The following EPS8L3 variants were observed in gnomAD, a reference collection of about 807,000 sequenced individuals.
EPS8L3 encodes the protein EPS8 signaling adaptor L3.
In EPS8L3, 80 loss-of-function variants were observed where a neutral mutation model predicts 88.5. That is an observed-to-expected ratio of 0.90 (90% CI 0.75 to 1.09). EPS8L3 has a LOEUF of 1.09. Ranked by LOEUF, EPS8L3 falls within the 50% of genes least tolerant of loss-of-function variation. The probability of loss-of-function intolerance (pLI) is 0.00; values close to 1 mark genes in which losing one functional copy is unlikely to be tolerated. For synonymous variants in EPS8L3, 286 were observed against 291.0 expected (o/e 0.98, Z 0.18); for missense variants, 721 against 735.2 (o/e 0.98, Z 0.22).
chr1:109,755,580 G>A (rs1168823159), intron 12 of EPS8L3, among the ~76,000 whole-genome samples: 7 of 152,116 alleles, frequency 4.6e-5, no homozygotes, highest in Non-Finnish European at 1.0e-4. Flanking sequence ...CGAGGTGGGC[G>A]GATCCCTTGA....
chr1:109,757,300 T>G, intron 11 of EPS8L3, 135 bp from the exon 12 acceptor site: 1 of 1,199,294 alleles, frequency 8.3e-7, no homozygotes, highest in East Asian at 2.6e-5. Context: ...CCCATCTGCC[T>G]TGGGCCTGCT....
At chr1:109,760,539 T>A (rs996986240) in intron 3 of EPS8L3, among the ~76,000 whole-genome samples, 1 of 151,768 alleles carries the variant, frequency 6.6e-6, no homozygotes, top group Admixed American at 6.6e-5. Flanking sequence ...TCTCCCTGTG[T>A]TCGCACTGCC....
rs201364328 is a variant in EPS8L3, at chr1:109,759,036, A to T, written c.461+26T>A. The T allele has an allele frequency of 6.3e-7, 1 of 1,582,550 alleles. No individual in the cohort carries two copies. Among genetic ancestry groups the T allele is most frequent in the East Asian group, 2.3e-5 (1 of 43,684 alleles). On this transcript the variant is annotated intron_variant, in intron 6 of 18. Coordinates refer to ENST00000361965, the MANE Select transcript of EPS8L3 (RefSeq NM_133181.4). This position sits in a 1 kb window ranked among gnomAD's most constrained non-coding sequence, Gnocchi z 4.2. ...CCGAGGCTGAGCTGGGAGGCCCCAT[A>T]GGTGGGCTGGGCAGAGGCTGCCTAC... is the stretch of plus-strand genomic sequence containing the variant.
Position 109,759,237 on chromosome 1 carries a change from C to G in EPS8L3, c.405+1G>C. The G allele has an allele frequency of 1.9e-6, 3 of 1,613,796 alleles. No individual in the cohort carries two copies. Among genetic ancestry groups the G allele is most frequent in the Non-Finnish European group, 2.5e-6 (3 of 1,179,880 alleles). Reference sequence around the variant, plus strand: ...CTGACCAATCACCCCCGACCACTCACCCCCACTTCCTGGCACTGGAAGAGC... The same window carrying G: ...CTGACCAATCACCCCCGACCACTCAGCCCCACTTCCTGGCACTGGAAGAGC... On this transcript the variant is annotated splice_donor_variant, in intron 5 of 18. Transcript: ENST00000361965. LOFTEE classifies it high-confidence loss of function. This position sits in a 1 kb window ranked among gnomAD's most constrained non-coding sequence, Gnocchi z 4.2.
chr1:109,763,104 A>T (rs1488689067), intron 1 of EPS8L3, among the ~76,000 whole-genome samples: 2 of 152,080 alleles, frequency 1.3e-5, no homozygotes, highest in Non-Finnish European at 2.9e-5. Flanking sequence ...GTTTATTAGG[A>T]CTGTTGTGAA....
chr1:109,760,022 G>C, intron 3 of EPS8L3, 186 bp from the exon 4 acceptor site: 5 of 620,168 alleles, frequency 8.1e-6, no homozygotes, highest in South Asian at 8.0e-5. Flanking sequence ...AAGCACTGGG[G>C]CCAGGGATAG....
intron 8 of EPS8L3, 30 bp from the exon 9 acceptor site, chr1:109,758,088 C>T (rs759241759): frequency 1.1e-5 from 17 of 1,597,608 alleles, no homozygotes; most frequent in South Asian, 4.4e-5. Context: ...TGGCCTTGAA[C>T]GGGCAGTTGG....
Position 109,757,381 on chromosome 1 carries a change from C to A in EPS8L3, c.969+100G>T, listed in dbSNP as rs904550621. On this transcript the variant is annotated intron_variant, in intron 11 of 18. Transcript: ENST00000361965. ...CCCAGCTCATCTGGTTCCACCCTGG[C>A]CCCTGCTCCCCCATCCCCCTCCACC... 2.4e-6 allele frequency: 3 copies of A among 1,249,006 alleles called. No individual in the cohort carries two copies. In the South Asian group the frequency reaches 4.0e-5, roughly 17 times the overall value. 77.4% of individuals were successfully genotyped at this position (1,249,006 alleles called of 1,614,324 possible).
At chr1:109,751,960 C>T in intron 15 of EPS8L3, 35 bp downstream of exon 15, 2 of 1,571,364 alleles carry the variant, frequency 1.3e-6, no homozygotes, top group South Asian at 1.2e-5. Context: ...CCACCAACCA[C>T]CACCTCCTTT....
intron 11 of EPS8L3, 127 bp from the exon 12 acceptor site, chr1:109,757,292 C>T: frequency 1.6e-6 from 2 of 1,261,864 alleles, no homozygotes; most frequent in Non-Finnish European, 2.2e-6. Context: ...CAAGGGGCCC[C>T]ATCTGCCTTG....
intron 17 of EPS8L3, 96 bp downstream of exon 17, chr1:109,751,182 A>C: frequency 1.8e-6 from 2 of 1,086,900 alleles, no homozygotes; most frequent in Non-Finnish European, 2.7e-6. Flanking sequence ...GGTCATGTAC[A>C]ATGTAGGCCA....
At chr1:109,751,892 G>A in intron 15 of EPS8L3, 103 bp downstream of exon 15, 1 of 1,570,478 alleles carries the variant, frequency 6.4e-7, no homozygotes, top group Non-Finnish European at 8.6e-7. Context: ...TCCCTCTCTA[G>A]GCCACCCACC....
chr1:109,758,681 G>A lies in EPS8L3; in HGVS notation c.462-18C>T. The A allele has an allele frequency of 6.5e-7, 1 of 1,546,614 alleles. No homozygotes were observed. The highest frequency in any genetic ancestry group is 1.2e-5 in the South Asian group (1 of 81,060). The stretch of plus-strand genomic sequence containing the variant: ...GTCGAGGTCTGCTGAGGACATGGTA[G>A]GGGCCACATCTTTGACAAGGTTCTT... On this transcript the variant is annotated intron_variant, in intron 6 of 18. Transcript: ENST00000361965.
rs754270425 is a variant in EPS8L3 at position 109,759,154 on chromosome 1, T to A, written c.406-37A>T. 1.1e-5 allele frequency: 14 copies of A among 1,232,846 alleles called. No individual in the cohort carries two copies. The African/African-American group carries it at 1.3e-4, about 11-fold the overall frequency. 76.4% of individuals were successfully genotyped at this position (1,232,846 alleles called of 1,614,324 possible). A position where few individuals can be genotyped will look rare whatever the true frequency, so the allele number is the denominator to read the frequency against. On this transcript the variant is annotated intron_variant, in intron 5 of 18. Coordinates refer to ENST00000361965, the MANE Select transcript of EPS8L3 (RefSeq NM_133181.4). The surrounding 1 kb of genome is among the most constrained non-coding windows in gnomAD (Gnocchi z 4.2). ...CAGTCAGGCAGGCTAAGTGTGTGTG[T>A]GTGTGTGTGTGTGTGTGTGTGTGTG...
Position 109,758,588 on chromosome 1 carries a change from C to G in EPS8L3, c.537G>C (p.Glu179Asp), listed in dbSNP as rs1054168501. 1 of 1,613,524 alleles carries G rather than the reference C, an allele frequency of 6.2e-7. No individual in the cohort carries two copies. Among genetic ancestry groups the G allele is most frequent in the African/African-American group, 1.3e-5 (1 of 75,060 alleles). ...GPAMERPLPM[E>D]QARYLEPGIP... ...TCCCCGGCTCCAGATAGCGTGCCTGCTCCATAGGGAGCGGCCTTTCCATAG... is the reference window on the plus strand; with the variant it reads ...TCCCCGGCTCCAGATAGCGTGCCTGGTCCATAGGGAGCGGCCTTTCCATAG... Residue 179 changes from glutamate (E) to aspartate (D), a missense_variant, in exon 7 of 19, where the codon GAG becomes GAC. Coordinates refer to ENST00000361965, the MANE Select transcript of EPS8L3 (RefSeq NM_133181.4).
In EPS8L3 at chr1:109,759,431, G is replaced by C; in HGVS notation, c.256-44C>G. 1 of 1,602,326 alleles carries C rather than the reference G, an allele frequency of 6.2e-7. No homozygotes were observed. The highest frequency in any genetic ancestry group is 8.5e-7 in the Non-Finnish European group (1 of 1,174,028). ...TCAACTGTGAGGCCACCAGAGCTAG[G>C]TGTGGCTTCTGGGAGCTCCTGACCA... On this transcript the variant is annotated intron_variant, in intron 4 of 18. Transcript: ENST00000361965. The surrounding 1 kb of genome is among the most constrained non-coding windows in gnomAD (Gnocchi z 4.2).
intron 16 of EPS8L3, 27 bp from the exon 17 acceptor site, chr1:109,751,378 G>A (rs1389474421): frequency 6.2e-7 from 1 of 1,608,986 alleles, no homozygotes; most frequent in Non-Finnish European, 8.5e-7. Flanking sequence ...CCAGGGATCA[G>A]AGTCCATCTC....
chr1:109,751,855 C>G, intron 15 of EPS8L3, 73 bp from the exon 16 acceptor site: 1 of 1,597,426 alleles, frequency 6.3e-7, no homozygotes, highest in Non-Finnish European at 8.5e-7. Context: ...AAGGCTTTCT[C>G]CCTCCAGCTC....
Position 109,752,692 on chromosome 1 carries a change from G to A in EPS8L3, c.1229C>T (p.Ser410Phe). The A allele has an allele frequency of 6.4e-7, 1 of 1,551,882 alleles. No individual in the cohort carries two copies. The highest frequency in any genetic ancestry group is 1.7e-4 in the Middle Eastern group (1 of 5,976). ...TATTAAGCTCAGAGCATACCGAAGG[G>A]AAACAGGGTCCTGGTATCCTAAGGG... is the stretch of plus-strand genomic sequence containing the variant. Reference protein sequence around the residue: ...QAPLGYQDPVSLRRGSHRLGS... With the variant: ...QAPLGYQDPVFLRRGSHRLGS... Residue 410 changes from serine (S) to phenylalanine (F), a missense_variant, in exon 14 of 19, where the codon TCC becomes TTC. Coordinates refer to ENST00000361965, the MANE Select transcript of EPS8L3 (RefSeq NM_133181.4).
Sources: gnomAD v4.1 joint callset for allele counts (sites outside exome capture counted in the v4.1 genomes callset) on GRCh38, gnomAD v4.1.1 for gene constraint, Gnocchi (gnomAD v3.1) non-coding constraint, MANE v1.5 for transcripts, NCBI Gene and HGNC (gene_info 2026-07-23, HGNC 2026-07-21) for gene names.